MAP3K5: variants seen among roughly 807,000 people sequenced by gnomAD.
MAP3K5 encodes mitogen-activated protein kinase kinase kinase 5.
A neutral mutation model predicts 158.7 loss-of-function variants in MAP3K5; 56 were observed. The ratio of observed to expected loss-of-function variants is 0.35; its 90% CI spans 0.28 to 0.44. The LOEUF (loss-of-function observed/expected upper bound fraction) is 0.44, where lower values mean the gene tolerates loss of function less well. Ranked by LOEUF, MAP3K5 falls within the 20% of genes least tolerant of loss-of-function variation. MAP3K5 has a pLI of 1.00. For missense variants in MAP3K5, 1,294 were observed against 1,674.8 expected (o/e 0.77, Z 3.97); for synonymous variants, 579 against 601.7 (o/e 0.96, Z 0.55).
At chr6:136,625,330 G>A (rs1028064542) in intron 14 of MAP3K5, among the ~76,000 whole-genome samples, 37 of 152,178 alleles carry the variant, frequency 2.4e-4, no homozygotes, top group African/African-American at 8.7e-4. Flanking sequence ...TTTGATCCTG[G>A]GGCTATAGTT....
rs936899954 is a variant in MAP3K5 at position 136,631,220 on chromosome 6, C to T, written c.2016+6105G>A. On this transcript the variant is annotated intron_variant, in intron 14 of 29. Transcript: ENST00000359015. Reference sequence around the variant, plus strand: ...CTGGTACAAGAAAAAGGCTTTTCCCCGTTCCCAACAGAATGAATGAATGAA... The same window carrying T: ...CTGGTACAAGAAAAAGGCTTTTCCCTGTTCCCAACAGAATGAATGAATGAA... Among the ~76,000 whole-genome samples, 8 of 152,132 alleles carry T rather than the reference C, an allele frequency of 5.3e-5. 1 individual carries two copies. In the South Asian group the frequency reaches 6.2e-4, roughly 12 times the overall value.
chr6:136,592,696 T>G, intron 21 of MAP3K5, 82 bp from the exon 22 acceptor site: 1 of 1,150,230 alleles, frequency 8.7e-7, no homozygotes, highest in Non-Finnish European at 1.3e-6. Context: ...AAAGAGGCCA[T>G]ATTCTTTGTC....
At chr6:136,677,521 T>A (rs778300002) in intron 7 of MAP3K5, among the ~76,000 whole-genome samples, 6 of 152,194 alleles carry the variant, frequency 3.9e-5, no homozygotes, top group Non-Finnish European at 7.3e-5. Flanking sequence ...TCCCAGTGGC[T>A]TGCAACTCCT....
intron 11 of MAP3K5, among the ~76,000 whole-genome samples, chr6:136,643,982 G>C (rs111883299): frequency 5.3e-5 from 8 of 152,146 alleles, no homozygotes; most frequent in Admixed American, 5.2e-4. Flanking sequence ...TATCCTCAGA[G>C]CCTGCAGCTG....
At chr6:136,677,803 T>C (rs1464612082) in intron 7 of MAP3K5, among the ~76,000 whole-genome samples, 4 of 152,216 alleles carry the variant, frequency 2.6e-5, no homozygotes, top group Non-Finnish European at 5.9e-5. Context: ...TACAACAGCA[T>C]AGATGACGGT....
At chr6:136,670,616 C>A (rs1484674367) in intron 7 of MAP3K5, among the ~76,000 whole-genome samples, 1 of 151,874 alleles carries the variant, frequency 6.6e-6, no homozygotes, top group African/African-American at 2.4e-5. Flanking sequence ...ATTGTAGGCA[C>A]AATAAATGTA....
intron 2 of MAP3K5, among the ~76,000 whole-genome samples, chr6:136,709,864 C>T (rs1027775882): frequency 1.3e-5 from 2 of 152,056 alleles, no homozygotes; most frequent in Non-Finnish European, 2.9e-5. Context: ...GCCAGGAGTT[C>T]GAGGCCACAG....
At chr6:136,566,980 T>C (rs943770512) in intron 26 of MAP3K5, among the ~76,000 whole-genome samples, 2 of 152,194 alleles carry the variant, frequency 1.3e-5, no homozygotes, top group African/African-American at 4.8e-5. Context: ...ATGTCAACTG[T>C]AGGCAGCACA....
At chr6:136,713,395 C>T (rs182445005) in intron 2 of MAP3K5, among the ~76,000 whole-genome samples, 1 of 152,262 alleles carries the variant, frequency 6.6e-6, no homozygotes, top group Admixed American at 6.5e-5. Flanking sequence ...AAAGCAAGGG[C>T]ATATTTTACC....
At chr6:136,644,031 G>A (rs1354360297) in intron 11 of MAP3K5, among the ~76,000 whole-genome samples, 1 of 152,206 alleles carries the variant, frequency 6.6e-6, no homozygotes, top group African/African-American at 2.4e-5. Context: ...CAGGAGGTGG[G>A]AGGCAAGTGC....
rs2115085067 is a variant in MAP3K5 at position 136,791,935 on chromosome 6, T to C, written c.223A>G (p.Ser75Gly). 1.2e-6 allele frequency: 2 copies of C among 1,611,966 alleles called. No individual in the cohort carries two copies. The highest frequency in any genetic ancestry group is 2.2e-5 in the East Asian group (1 of 44,788). The change falls in exon 1 of 30, where the codon AGT (serine) becomes GGT (glycine). Residue 75 changes from serine (S) to glycine (G), a missense_variant. Ser to Gly is a moderately conservative substitution (Grantham distance 56). Coordinates refer to ENST00000359015, the MANE Select transcript of MAP3K5 (RefSeq NM_005923.4). The stretch of plus-strand genomic sequence containing the variant: ...GAGCTGCCCCGGCCTCGGGTGGCAC[T>C]GCTCGAGGAGGTGGCCGCCGGACAA... ...IGCPAATSSSSATRGRGSSVG... is the reference protein window; with the variant it reads ...IGCPAATSSSGATRGRGSSVG...
intron 1 of MAP3K5, among the ~76,000 whole-genome samples, chr6:136,751,900 A>G (rs1783225473): frequency 6.6e-6 from 1 of 152,156 alleles, no homozygotes; most frequent in Non-Finnish European, 1.5e-5. Flanking sequence ...TTTCAGTTTG[A>G]TTTATGGCTT....
At chr6:136,660,971 C>G (rs906238816) in intron 8 of MAP3K5, among the ~76,000 whole-genome samples, 1 of 151,470 alleles carries the variant, frequency 6.6e-6, no homozygotes, top group Non-Finnish European at 1.5e-5. Context: ...CTTAATCAAA[C>G]TCAGATATCT....
At chr6:136,745,968 T>A (rs1782937301) in intron 1 of MAP3K5, among the ~76,000 whole-genome samples, 1 of 152,162 alleles carries the variant, frequency 6.6e-6, no homozygotes, top group Non-Finnish European at 1.5e-5. Flanking sequence ...TATGGGATGT[T>A]AGTTGGTAAG....
chr6:136,615,971 ATTT>A (rs1452672942), intron 15 of MAP3K5, among the ~76,000 whole-genome samples: 2 of 152,158 alleles, frequency 1.3e-5, no homozygotes, highest in Non-Finnish European at 2.9e-5. Context: ...ATTTAAATTA[ATTT>A]TTATTATCTG....
intron 1 of MAP3K5, among the ~76,000 whole-genome samples, chr6:136,778,877 A>G (rs1316235774): frequency 6.6e-6 from 1 of 152,224 alleles, no homozygotes; most frequent in Middle Eastern, 3.2e-3. Context: ...AAGATTAAAT[A>G]GGCCGGGTGC....
chr6:136,600,948 T>C (rs1775846122), intron 21 of MAP3K5, 74 bp downstream of exon 21: 2 of 1,498,328 alleles, frequency 1.3e-6, no homozygotes, highest in Non-Finnish European at 9.3e-7. Context: ...ATGAGGCTAC[T>C]TGATGGGAAG....
At chr6:136,679,814 A>G (rs564018289) in intron 7 of MAP3K5, among the ~76,000 whole-genome samples, 80 of 152,354 alleles carry the variant, frequency 5.3e-4, no homozygotes, top group African/African-American at 1.9e-3. Context: ...ACTTAAAATA[A>G]TTAAAAGTAG....
chr6:136,708,740 A>G (rs901848987), intron 2 of MAP3K5, among the ~76,000 whole-genome samples: 1 of 152,208 alleles, frequency 6.6e-6, no homozygotes, highest in African/African-American at 2.4e-5. Flanking sequence ...AATATTGCGC[A>G]CACACAGAAA....
Sources: allele counts gnomAD v4.1 joint callset (sites outside exome capture counted in the v4.1 genomes callset), GRCh38; gene constraint gnomAD v4.1.1; transcripts MANE v1.5; gene names NCBI Gene and HGNC (gene_info 2026-07-23, HGNC 2026-07-21).